Variants in LYNX1 observed in about 807,000 individuals in gnomAD.
LYNX1 encodes Ly6/neurotoxin 1, also known as ly-6/neurotoxin-like protein 1.
LYNX1 carries 8 observed loss-of-function variants against 8.3 expected under a neutral mutation model. The observed-to-expected ratio is 0.97, with a 90% CI of 0.57 to 1.74. The LOEUF (loss-of-function observed/expected upper bound fraction) is 1.74, where lower values mean the gene tolerates loss of function less well. Ranked by LOEUF, LYNX1 falls within the 40% of genes most tolerant of loss-of-function variation. The pLI is 0.00. For missense variants in LYNX1, 158 were observed against 159.7 expected (o/e 0.99, Z 0.06); for synonymous variants, 73 against 67.9 (o/e 1.08, Z -0.37).
intron 3 of LYNX1, 89 bp downstream of exon 3, chr8:142,775,504 C>T (rs2130115772): frequency 6.4e-7 from 1 of 1,555,504 alleles, no homozygotes; most frequent in Non-Finnish European, 8.7e-7. Context: ...GGAGAGCCTC[C>T]TTCCTCAGGA....
At chr8:142,777,794 C>T (rs1365595282), upstream of LYNX1, 1 of 398,162 alleles carries the variant, frequency 2.5e-6, no homozygotes, top group Non-Finnish European at 4.4e-6. Context: ...CTATCTTCAC[C>T]GCGTCCCGCG....
intron 1 of LYNX1, chr8:142,776,461 C>T: frequency 5.3e-6 from 1 of 187,846 alleles, no homozygotes; most frequent in Non-Finnish European, 1.1e-5. Context: ...ATGGTTGGTG[C>T]AGAGGTCCCA....
Position 142,772,408 on chromosome 8 carries a change from T to C in LYNX1, c.*2759A>G, listed in dbSNP as rs925943431. On this transcript the variant is annotated 3_prime_UTR_variant, in exon 4 of 4. Transcript: ENST00000652477. ...CTTCTCAAACCTCTGGTTCCACTTT[T>C]CTCCTTTTAAGCTTTCCATTTTGTA... 2 of 985,472 alleles carry C rather than the reference T, an allele frequency of 2.0e-6. No individual in the cohort carries two copies. The highest frequency in any genetic ancestry group is 3.5e-5 in the African/African-American group (2 of 57,360). 61.0% of individuals were successfully genotyped at this position (985,472 alleles called of 1,614,324 possible).
At position 142,773,697 on chromosome 8, in the gene LYNX1, C is replaced by T. The variant is rs1587612948; in HGVS notation, c.*1470G>A. On this transcript the variant is annotated 3_prime_UTR_variant, in exon 4 of 4. Transcript: ENST00000652477. ...CTCATTCCCTGATCCCCCAGGGGTC[C>T]TGCATCAAAGCTCTGGAGATGCAAT... 3 of 985,370 alleles carry T rather than the reference C, an allele frequency of 3.0e-6. No homozygotes were observed. Among genetic ancestry groups the T allele is most frequent in the Admixed American group, 1.2e-4 (2 of 16,290 alleles). 61.0% of individuals were successfully genotyped at this position (985,370 alleles called of 1,614,324 possible).
In LYNX1 at chr8:142,773,750, C is replaced by T. The variant is rs915969673; in HGVS notation, c.*1417G>A. Reference sequence around the variant, plus strand: ...CCAGCAGGGGCTCCCCTGACCAGGGCCATACTTTGGGGCCGGGACAATCCT... The same window carrying T: ...CCAGCAGGGGCTCCCCTGACCAGGGTCATACTTTGGGGCCGGGACAATCCT... On this transcript the variant is annotated 3_prime_UTR_variant, in exon 4 of 4. Coordinates refer to ENST00000652477, the MANE Select transcript of LYNX1 (RefSeq NM_177477.4). 2 of 985,388 alleles carry T rather than the reference C, an allele frequency of 2.0e-6. No homozygotes were observed. Among genetic ancestry groups the T allele is most frequent in the Non-Finnish European group, 2.4e-6 (2 of 829,934 alleles). 61.0% of individuals were successfully genotyped at this position (985,388 alleles called of 1,614,324 possible).
At position 142,775,054 on chromosome 8, in the gene LYNX1, C is replaced by T; in HGVS notation, c.*113G>A. The T allele has an allele frequency of 1.4e-6, 2 of 1,480,510 alleles. No homozygotes were observed. Among genetic ancestry groups the T allele is most frequent in the Non-Finnish European group, 1.8e-6 (2 of 1,117,484 alleles). 91.7% of individuals were successfully genotyped at this position (1,480,510 alleles called of 1,614,324 possible). A position where few individuals can be genotyped will look rare whatever the true frequency, so the allele number is the denominator to read the frequency against. Reference sequence around the variant, plus strand: ...TCTTGCCCACAGTCCTGACCCTGGGCATGGCTGAGGAGGTCGCAGGGAGTG... The same window carrying T: ...TCTTGCCCACAGTCCTGACCCTGGGTATGGCTGAGGAGGTCGCAGGGAGTG... On this transcript the variant is annotated 3_prime_UTR_variant, in exon 4 of 4. Transcript: ENST00000652477.
chr8:142,772,182 G>T lies in LYNX1; in HGVS notation c.*2985C>A. 2 of 986,172 alleles carry T rather than the reference G, an allele frequency of 2.0e-6. No individual in the cohort carries two copies. The highest frequency in any genetic ancestry group is 2.4e-6 in the Non-Finnish European group (2 of 830,130). The allele number at this position is 986,172 out of a possible 1,614,324, so 61.1% of individuals were successfully genotyped here. A position where few individuals can be genotyped will look rare whatever the true frequency, so the allele number is the denominator to read the frequency against. ...AGCCACTCCTGAGTCACTCGGGCAT[G>T]TCCAGGACTCAGGTCCACACAGACA... is the stretch of plus-strand genomic sequence containing the variant. On this transcript the variant is annotated 3_prime_UTR_variant, in exon 4 of 4. Coordinates refer to ENST00000652477, the MANE Select transcript of LYNX1 (RefSeq NM_177477.4).
rs1815200991 is a variant in LYNX1, at chr8:142,771,952, C to T, written c.*3215G>A. 5.1e-6 allele frequency: 5 copies of T among 986,006 alleles called. No individual in the cohort carries two copies. The South Asian group carries it at 1.9e-4, about 37-fold the overall frequency. 61.1% of individuals were successfully genotyped at this position (986,006 alleles called of 1,614,324 possible). A position where few individuals can be genotyped will look rare whatever the true frequency, so the allele number is the denominator to read the frequency against. Reference sequence around the variant, plus strand: ...GTCCCCAGGTCCCACCCCAGGGTCACTTCCTGTAGCTCCGACTTCTCTAGT... The same window carrying T: ...GTCCCCAGGTCCCACCCCAGGGTCATTTCCTGTAGCTCCGACTTCTCTAGT... On this transcript the variant is annotated 3_prime_UTR_variant, in exon 4 of 4. Transcript: ENST00000652477.
chr8:142,777,342 C>T (rs921691995), upstream of LYNX1: 4 of 152,408 alleles, frequency 2.6e-5, no homozygotes, highest in Non-Finnish European at 5.4e-5. Flanking sequence ...TCCTGAGCAA[C>T]CCCCCGAGCC....
rs1159143054 is a variant in LYNX1, at chr8:142,771,655, G to T, written c.*3512C>A. On this transcript the variant is annotated 3_prime_UTR_variant, in exon 4 of 4. Coordinates refer to ENST00000652477, the MANE Select transcript of LYNX1 (RefSeq NM_177477.4). Reference sequence around the variant, plus strand: ...AGACCACCCAGAGTAGTGGGAGAAAGCACCGGCAGAAAAGCTGGCATATCC... The same window carrying T: ...AGACCACCCAGAGTAGTGGGAGAAATCACCGGCAGAAAAGCTGGCATATCC... 2 of 985,692 alleles carry T rather than the reference G, an allele frequency of 2.0e-6. No individual in the cohort carries two copies. The highest frequency in any genetic ancestry group is 1.2e-4 in the Admixed American group (2 of 16,260). 61.1% of individuals were successfully genotyped at this position (985,692 alleles called of 1,614,324 possible).
At position 142,773,516 on chromosome 8, in the gene LYNX1, C is replaced by T; in HGVS notation, c.*1651G>A. On this transcript the variant is annotated 3_prime_UTR_variant, in exon 4 of 4. Coordinates refer to ENST00000652477, the MANE Select transcript of LYNX1 (RefSeq NM_177477.4). ...CTTTGCAGAAGACTGGCACTGTCCT[C>T]CTCCAGCGGGAACTGGGTGTGCCCT... 1.0e-6 allele frequency: 1 copy of T among 985,550 alleles called. No individual in the cohort carries two copies. The highest frequency in any genetic ancestry group is 5.2e-4 in the Middle Eastern group (1 of 1,916). The allele number at this position is 985,550 out of a possible 1,614,324, so 61.1% of individuals were successfully genotyped here. A position where few individuals can be genotyped will look rare whatever the true frequency, so the allele number is the denominator to read the frequency against.
chr8:142,775,341 C>T lies in LYNX1; in HGVS notation c.177G>A (p.Lys59=), dbSNP rs1276302841. 6.2e-7 allele frequency: 1 copy of T among 1,613,640 alleles called. No homozygotes were observed. Among genetic ancestry groups the T allele is most frequent in the Non-Finnish European group, 8.5e-7 (1 of 1,179,954 alleles). Residue 59 remains lysine (K), a synonymous_variant, in exon 4 of 4, where the codon AAG becomes AAA. Coordinates refer to ENST00000652477, the MANE Select transcript of LYNX1 (RefSeq NM_177477.4). The part of the protein sequence containing the change: ...TRTYYTPTRM[K]VSKSCVPRCF... ...AGCGGGGCACGCAGGACTTACTGACCTTCATCCTGGTGGGGGTGTAGTCTG... is the reference window on the plus strand; with the variant it reads ...AGCGGGGCACGCAGGACTTACTGACTTTCATCCTGGTGGGGGTGTAGTCTG...
At chr8:142,776,312 C>A in intron 1 of LYNX1, 191 bp from the exon 2 acceptor site, 1 of 339,224 alleles carries the variant, frequency 2.9e-6, no homozygotes, top group South Asian at 3.1e-5. Context: ...CAGAGACCAG[C>A]ACCTGCAAAA....
chr8:142,774,145 G>GCCCAGGCCC lies in LYNX1; in HGVS notation c.*1021_*1022insGGGCCTGGG. On this transcript the variant is annotated 3_prime_UTR_variant, in exon 4 of 4. Coordinates refer to ENST00000652477, the MANE Select transcript of LYNX1 (RefSeq NM_177477.4). ...GCTGCGGGGGAGGGGCTGGGTCTCC[G>GCCCAGGCCC]CCCTCCCCACCCCACCCTCCCCACT... The GCCCAGGCCC allele has an allele frequency of 1.0e-6, 1 of 981,858 alleles. No homozygotes were observed. Among genetic ancestry groups the GCCCAGGCCC allele is most frequent in the Non-Finnish European group, 1.2e-6 (1 of 827,992 alleles). 60.8% of individuals were successfully genotyped at this position (981,858 alleles called of 1,614,324 possible).
At position 142,771,787 on chromosome 8, in the gene LYNX1, G is replaced by A. The variant is rs941478038; in HGVS notation, c.*3380C>T. On this transcript the variant is annotated 3_prime_UTR_variant, in exon 4 of 4. Coordinates refer to ENST00000652477, the MANE Select transcript of LYNX1 (RefSeq NM_177477.4). ...TCAGATGCTACATAGTGGGGGAGGC[G>A]GCAGCTGGCCTGGCTCCCCCACTTC... 1.2e-5 allele frequency: 12 copies of A among 985,670 alleles called. No homozygotes were observed. Among genetic ancestry groups the A allele is most frequent in the Middle Eastern group, 1.0e-3 (2 of 1,938 alleles). 61.1% of individuals were successfully genotyped at this position (985,670 alleles called of 1,614,324 possible).
At chr8:142,775,808 G>A in intron 2 of LYNX1, 98 bp downstream of exon 2, 1 of 1,566,400 alleles carries the variant, frequency 6.4e-7, no homozygotes, top group Admixed American at 1.7e-5. Context: ...GGGCTAGAAG[G>A]AGGGGTTGTC....
rs1815282403 is a variant in LYNX1 at position 142,773,856 on chromosome 8, C to A, written c.*1311G>T. ...GGACACCAGAGCTGGGAGCACTGGT[C>A]AGGTGGGGGCCTCAGGTGCAGCGTG... On this transcript the variant is annotated 3_prime_UTR_variant, in exon 4 of 4. Coordinates refer to ENST00000652477, the MANE Select transcript of LYNX1 (RefSeq NM_177477.4). 1.0e-6 allele frequency: 1 copy of A among 985,314 alleles called. No homozygotes were observed. Among genetic ancestry groups the A allele is most frequent in the Non-Finnish European group, 1.2e-6 (1 of 829,936 alleles). 61.0% of individuals were successfully genotyped at this position (985,314 alleles called of 1,614,324 possible). A position where few individuals can be genotyped will look rare whatever the true frequency, so the allele number is the denominator to read the frequency against.
At chr8:142,777,645 C>T (rs1176772872), upstream of LYNX1, 1 of 395,596 alleles carries the variant, frequency 2.5e-6, no homozygotes, top group African/African-American at 2.1e-5. Flanking sequence ...CCGGACCCGT[C>T]CCCGGACCGC....
chr8:142,776,179 G>T (rs564338831), intron 1 of LYNX1, 58 bp from the exon 2 acceptor site: 2 of 587,146 alleles, frequency 3.4e-6, no homozygotes, highest in East Asian at 2.9e-5. Flanking sequence ...ACCCATGGGG[G>T]CCTGGGCAGG....
Sources: gnomAD v4.1 joint callset for allele counts on GRCh38, gnomAD v4.1.1 for gene constraint, MANE v1.5 for transcripts, NCBI Gene and HGNC (gene_info 2026-07-23, HGNC 2026-07-21) for gene names.